BTBD9: variants seen among roughly 807,000 people sequenced by gnomAD.
BTBD9 encodes the protein BTB domain containing 9, also known as BTB/POZ domain-containing protein 9.
A neutral mutation model predicts 64.3 loss-of-function variants in BTBD9; 49 were observed. The observed-to-expected ratio is 0.76, with a 90% CI of 0.61 to 0.97. The LOEUF (loss-of-function observed/expected upper bound fraction) is 0.97. Among genes scored for constraint, BTBD9 ranks in the 50% least tolerant of loss-of-function variants. The pLI is 0.00. For missense variants in BTBD9, 598 were observed against 762.1 expected, an observed-to-expected ratio of 0.78 and a Z score of 2.53; for synonymous variants, 260 against 274.7, an observed-to-expected ratio of 0.95 and a Z score of 0.53.
intron 10 of BTBD9, among the ~76,000 whole-genome samples, chr6:38,189,973 C>CTTTTTTTTTT (rs55886750): frequency 7.4e-6 from 1 of 135,506 alleles, no homozygotes. Context: ...CAGGCCCAGC[C>CTTTTTTTTTT]TTTTTTTTTT....
At chr6:38,292,712 C>A (rs1024788944) in intron 7 of BTBD9, among the ~76,000 whole-genome samples, 1 of 151,874 alleles carries the variant, frequency 6.6e-6, no homozygotes, top group African/African-American at 2.4e-5. Flanking sequence ...TCTCTCTTTT[C>A]TTCTTTATTA....
chr6:38,229,917 G>A (rs1763536898), intron 9 of BTBD9, among the ~76,000 whole-genome samples: 1 of 152,158 alleles, frequency 6.6e-6, no homozygotes, highest in Non-Finnish European at 1.5e-5. Flanking sequence ...ATGCCTTTCA[G>A]GGCATTGATA....
chr6:38,555,758 C>T (rs952579967), intron 6 of BTBD9, among the ~76,000 whole-genome samples: 21 of 152,320 alleles, frequency 1.4e-4, no homozygotes, highest in Admixed American at 8.5e-4. Context: ...TCACTGGTCT[C>T]ATGCTGCCAG....
chr6:38,330,750 A>T (rs1344760895), intron 7 of BTBD9, among the ~76,000 whole-genome samples: 4 of 152,202 alleles, frequency 2.6e-5, no homozygotes, highest in African/African-American at 9.6e-5. Context: ...AGTAGATATA[A>T]ATCTATGATA....
chr6:38,394,946 T>C (rs543375214), intron 6 of BTBD9, among the ~76,000 whole-genome samples: 1 of 146,656 alleles, frequency 6.8e-6, no homozygotes, highest in South Asian at 2.2e-4. Flanking sequence ...TGACAGATGA[T>C]ATAACCAAAA....
chr6:38,287,120 A>C (rs1458465528), intron 8 of BTBD9, among the ~76,000 whole-genome samples: 3 of 145,460 alleles, frequency 2.1e-5, no homozygotes, highest in African/African-American at 7.7e-5. Flanking sequence ...ACACACACAC[A>C]CACACACACA....
chr6:38,435,591 T>A (rs1300149773), intron 6 of BTBD9, among the ~76,000 whole-genome samples: 1 of 120,046 alleles, frequency 8.3e-6, no homozygotes, highest in African/African-American at 3.3e-5. Context: ...TTCTTTCTTT[T>A]CTTTTCCCTC....
intron 1 of BTBD9, among the ~76,000 whole-genome samples, chr6:38,599,141 C>T (rs1777161406): frequency 6.6e-6 from 1 of 152,122 alleles, no homozygotes; most frequent in Admixed American, 6.5e-5. Context: ...CAGGCACCTT[C>T]CTTGCTTTTG....
chr6:38,451,850 T>C (rs1044310797), intron 6 of BTBD9, among the ~76,000 whole-genome samples: 6 of 152,126 alleles, frequency 3.9e-5, no homozygotes, highest in African/African-American at 1.4e-4. Flanking sequence ...AAAGTTTTAG[T>C]TCATGTACCT....
chr6:38,502,434 G>T (rs779172992), intron 6 of BTBD9, among the ~76,000 whole-genome samples: 53 of 152,152 alleles, frequency 3.5e-4, no homozygotes, highest in Non-Finnish European at 6.2e-4. Flanking sequence ...TAAAAGAAAA[G>T]CTTTCTCTTC....
At chr6:38,424,822 A>T (rs954944886) in intron 6 of BTBD9, among the ~76,000 whole-genome samples, 1 of 150,522 alleles carries the variant, frequency 6.6e-6, no homozygotes, top group Non-Finnish European at 1.5e-5. Context: ...CAGCCTATTT[A>T]TCTTATTTTA....
intron 6 of BTBD9, among the ~76,000 whole-genome samples, chr6:38,386,833 G>C (rs545846861): frequency 6.6e-6 from 1 of 151,830 alleles, no homozygotes; most frequent in Admixed American, 6.6e-5. Flanking sequence ...TGTAAAGACA[G>C]GGTTTCACCA....
chr6:38,414,644 A>C (rs1397015570), intron 6 of BTBD9, among the ~76,000 whole-genome samples: 2 of 152,078 alleles, frequency 1.3e-5, no homozygotes, highest in Non-Finnish European at 2.9e-5. Context: ...GGATCTGTTC[A>C]GATATTTTTC....
intron 7 of BTBD9, among the ~76,000 whole-genome samples, chr6:38,339,013 G>A (rs1232173665): frequency 2.6e-5 from 4 of 152,144 alleles, no homozygotes; most frequent in Non-Finnish European, 5.9e-5. Context: ...CAATACCAGG[G>A]AGAATTTAAA....
intron 9 of BTBD9, among the ~76,000 whole-genome samples, chr6:38,214,762 C>T (rs1257120060): frequency 1.3e-5 from 2 of 152,070 alleles, no homozygotes; most frequent in Admixed American, 6.6e-5. Context: ...TTGTTCATGC[C>T]GTCAGGGCTA....
intron 6 of BTBD9, among the ~76,000 whole-genome samples, chr6:38,354,294 C>T (rs903193986): frequency 3.3e-5 from 5 of 152,170 alleles, no homozygotes; most frequent in African/African-American, 9.6e-5. Context: ...CTAATCACTT[C>T]TGCATATTGT....
At chr6:38,303,758 T>G (rs769224829) in intron 7 of BTBD9, among the ~76,000 whole-genome samples, 8 of 149,310 alleles carry the variant, frequency 5.4e-5, no homozygotes, top group Non-Finnish European at 8.9e-5. Context: ...ACAGACACAT[T>G]TATAAACGGA....
chr6:38,552,537 TGGGA>T (rs1246351398), intron 6 of BTBD9, among the ~76,000 whole-genome samples: 2 of 152,006 alleles, frequency 1.3e-5, no homozygotes, highest in Non-Finnish European at 2.9e-5. Context: ...CCCAGCACTT[TGGGA>T]GGATCACCTG....
intron 7 of BTBD9, among the ~76,000 whole-genome samples, chr6:38,339,145 G>A (rs1198622695): frequency 2.0e-5 from 3 of 152,118 alleles, no homozygotes; most frequent in African/African-American, 4.8e-5. Context: ...GGCAAAAATA[G>A]GAAAAGACTT....
Sources: gnomAD v4.1 joint callset for allele counts (sites outside exome capture counted in the v4.1 genomes callset) on GRCh38, gnomAD v4.1.1 for gene constraint, MANE v1.5 for transcripts, NCBI Gene and HGNC (gene_info 2026-07-23, HGNC 2026-07-21) for gene names.